HEATR1: variants seen among roughly 807,000 people sequenced by gnomAD.
HEATR1 encodes the protein HEAT repeat containing 1, also known as HEAT repeat-containing protein 1.
A neutral mutation model predicts 248.2 loss-of-function variants in HEATR1; 77 were observed. That is an observed-to-expected ratio of 0.31 (90% CI 0.26 to 0.37). The LOEUF is 0.37. HEATR1 is among the 10% of genes least tolerant of loss of function. The pLI, the probability that HEATR1 is intolerant of heterozygous loss-of-function variation, is 1.00. For synonymous variants in HEATR1, 897 were observed against 923.1 expected (o/e 0.97, Z 0.51); for missense variants, 2,420 against 2,504.9 (o/e 0.97, Z 0.72).
chr1:236,574,768 G>C lies in HEATR1; in HGVS notation c.3220C>G (p.Leu1074Val). The C allele has an allele frequency of 6.2e-7, 1 of 1,613,898 alleles. No individual in the cohort carries two copies. Among genetic ancestry groups the C allele is most frequent in the Non-Finnish European group, 8.5e-7 (1 of 1,179,866 alleles). Residue 1074 changes from leucine to valine, a missense_variant, in exon 23 of 45, where the codon CTT (leucine) becomes GTT (valine). Leu to Val is a conservative substitution (Grantham distance 32). Transcript: ENST00000366582. Reference protein sequence around the residue: ...LGKYNEFSVSLLNEDPKSLDI... With the variant: ...LGKYNEFSVSVLNEDPKSLDI... ...AGACTCTTCGGATCCTCATTTAAAA[G>C]GGAAACTGAAAATTCATTATACTTT...
intron 17 of HEATR1, 129 bp from the exon 18 acceptor site, chr1:236,583,325 A>G (rs1004900845): frequency 1.4e-6 from 1 of 721,664 alleles, no homozygotes; most frequent in South Asian, 2.4e-5. Flanking sequence ...GATTAACAGA[A>G]CTGCTTTGGT....
chr1:236,563,168 A>G (rs549818455), intron 32 of HEATR1, among the ~76,000 whole-genome samples: 1 of 152,234 alleles, frequency 6.6e-6, no homozygotes, highest in Non-Finnish European at 1.5e-5. Flanking sequence ...CACACCATTA[A>G]TATTTCATCA....
At position 236,572,422 on chromosome 1, in the gene HEATR1, G is replaced by A. The variant is rs747120147; in HGVS notation, c.3696C>T (p.Asn1232=). ...CCAAGTGTCATTACCTTGATAGCAAGTTAAAAAGAGTTGGCACCAATATCT... is the reference window on the plus strand; with the variant it reads ...CCAAGTGTCATTACCTTGATAGCAAATTAAAAAGAGTTGGCACCAATATCT... ...SPQILVPTLF[N]LLSRCLEPLP... is the part of the protein sequence containing the mutation. Residue 1232 remains asparagine (N), a synonymous_variant, in exon 26 of 45, where the codon AAC becomes AAT. Transcript: ENST00000366582. 3 of 1,613,920 alleles carry A rather than the reference G, an allele frequency of 1.9e-6. No individual in the cohort carries two copies. The African/African-American group carries it at 4.0e-5, about 22-fold the overall frequency.
chr1:236,563,778 AAC>A (rs1663199026), intron 32 of HEATR1, among the ~76,000 whole-genome samples: 1 of 152,150 alleles, frequency 6.6e-6, no homozygotes, highest in Non-Finnish European at 1.5e-5. Context: ...TTAATACACA[AAC>A]AGAGATGTAT....
chr1:236,592,449 A>G, intron 10 of HEATR1, 74 bp downstream of exon 10: 1 of 710,866 alleles, frequency 1.4e-6, no homozygotes, highest in South Asian at 1.6e-5. Flanking sequence ...GTATATTAAG[A>G]TGTGACTTGT....
intron 33 of HEATR1, among the ~76,000 whole-genome samples, chr1:236,560,692 A>G (rs769207124): frequency 1.2e-4 from 19 of 152,196 alleles, no homozygotes; most frequent in Non-Finnish European, 2.2e-4. Flanking sequence ...CAGGAGGCAA[A>G]CCCCGAGGAC....
rs954558073 is a variant in HEATR1 at position 236,551,942 on chromosome 1, G to C, written c.6346+57C>G. The C allele has an allele frequency of 1.7e-4, 203 of 1,182,214 alleles. 2 individuals carry two copies. The highest frequency in any genetic ancestry group is 1.4e-3 in the Middle Eastern group (7 of 5,184). The allele number at this position is 1,182,214 out of a possible 1,614,324, so 73.2% of individuals were successfully genotyped here. On this transcript the variant is annotated intron_variant, in intron 44 of 44. Coordinates refer to ENST00000366582, the MANE Select transcript of HEATR1 (RefSeq NM_018072.6). ...CATTATCATTGGGCACATTTTCACA[G>C]AATTTTACTGAATTATTCCTTAATT...
chr1:236,592,270 G>A (rs6692811), intron 10 of HEATR1, among the ~76,000 whole-genome samples, 160 bp from the exon 11 acceptor site: 7,223 of 152,178 alleles, frequency 0.047, 530 homozygotes, highest in African/African-American at 0.16. Context: ...CATTGGTCAA[G>A]TGTGTTACTA....
At chr1:236,595,730 C>T (rs1211851092) in intron 7 of HEATR1, 57 bp from the exon 8 acceptor site, 1 of 1,544,426 alleles carries the variant, frequency 6.5e-7, no homozygotes, top group East Asian at 2.3e-5. Flanking sequence ...CAATGAGTAA[C>T]AATATAAGAA....
intron 3 of HEATR1, chr1:236,602,731 C>A: frequency 6.1e-6 from 1 of 163,890 alleles, no homozygotes; most frequent in South Asian, 1.6e-4. Flanking sequence ...TAAAGACCAG[C>A]CTGGCTAACA....
At chr1:236,559,911 T>G (rs1663079245) in intron 33 of HEATR1, 74 bp from the exon 34 acceptor site, 1 of 1,410,282 alleles carries the variant, frequency 7.1e-7, no homozygotes, top group African/African-American at 1.5e-5. Context: ...TACCTTATGC[T>G]AAATGTTTCA....
chr1:236,550,906 A>G lies in HEATR1; in HGVS notation c.6431T>C (p.Phe2144Ser). The change falls in exon 45 of 45, where the codon TTC (phenylalanine) becomes TCC (serine). Residue 2144 changes from phenylalanine (F) to serine (S), a missense_variant. By Grantham distance (155) the Phe-to-Ser change is radical. Coordinates refer to ENST00000366582, the MANE Select transcript of HEATR1 (RefSeq NM_018072.6). ...TVLGEPLQSY[F>S] ...TATGAAACACCACAGAAAGTCTTAG[A>G]AATAGCTCTGGAGTGGCTCTCCCAG... 1 of 1,601,406 alleles carries G rather than the reference A, an allele frequency of 6.2e-7. No homozygotes were observed. The highest frequency in any genetic ancestry group is 8.5e-7 in the Non-Finnish European group (1 of 1,175,314).
At chr1:236,555,978 T>C in intron 38 of HEATR1, 39 bp from the exon 39 acceptor site, 3 of 1,611,932 alleles carry the variant, frequency 1.9e-6, no homozygotes, top group Non-Finnish European at 2.5e-6. Context: ...CATTTTCAAA[T>C]GATTCCTAGA....
At chr1:236,558,691 C>T (rs1558178249) in intron 35 of HEATR1, among the ~76,000 whole-genome samples, 162 bp from the exon 36 acceptor site, 1 of 152,182 alleles carries the variant, frequency 6.6e-6, no homozygotes, top group Non-Finnish European at 1.5e-5. Flanking sequence ...CAGTGTTTCA[C>T]TTATACAAAG....
At chr1:236,584,608 G>A (rs1663836824) in intron 17 of HEATR1, among the ~76,000 whole-genome samples, 1 of 152,162 alleles carries the variant, frequency 6.6e-6, no homozygotes, top group Admixed American at 6.5e-5. Flanking sequence ...AGGCTGGAGG[G>A]ATACACATCT....
intron 29 of HEATR1, 26 bp downstream of exon 29, chr1:236,568,970 C>A: frequency 7.0e-7 from 1 of 1,431,732 alleles, no homozygotes; most frequent in South Asian, 1.6e-5. Flanking sequence ...AAAAAGAAAC[C>A]CCACGATGGT....
chr1:236,587,149 T>C (rs1201066574), intron 14 of HEATR1, among the ~76,000 whole-genome samples: 4 of 152,076 alleles, frequency 2.6e-5, no homozygotes, highest in African/African-American at 9.7e-5. Flanking sequence ...GAATGCAATA[T>C]CATACATTAT....
Position 236,604,004 on chromosome 1 carries a change from A to T in HEATR1, c.92T>A (p.Phe31Tyr). 2.5e-6 allele frequency: 4 copies of T among 1,598,128 alleles called. No homozygotes were observed. The highest frequency in any genetic ancestry group is 3.4e-6 in the Non-Finnish European group (4 of 1,174,632). Residue 31 changes from phenylalanine (F) to tyrosine (Y), a missense_variant, in exon 2 of 45, where the codon TTT becomes TAT. By Grantham distance (22) the Phe-to-Tyr change is conservative. Transcript: ENST00000366582. ...GATTGTGGCCGCTTCCTTAGGGTCA[A>T]ATAACAAAGAAGCAACTTCATCTCT... ...LSRDEVASLL[F>Y]DPKEAATIDR...
intron 43 of HEATR1, 40 bp downstream of exon 43, chr1:236,553,541 G>A: frequency 6.3e-7 from 1 of 1,597,550 alleles, no homozygotes; most frequent in African/African-American, 1.3e-5. Context: ...GCTATGCAGT[G>A]AAAAGATGCA....
Sources: gnomAD v4.1 joint callset for allele counts (sites outside exome capture counted in the v4.1 genomes callset) on GRCh38, gnomAD v4.1.1 for gene constraint, MANE v1.5 for transcripts, NCBI Gene and HGNC (gene_info 2026-07-23, HGNC 2026-07-21) for gene names.